The following CXorf58 variants were observed in gnomAD, a reference collection of about 807,000 sequenced individuals.
CXorf58 encodes the protein chromosome X open reading frame 58, also known as uncharacterized protein CXorf58.
CXorf58 carries 24 observed loss-of-function variants against 26.0 expected under a neutral mutation model. That is an observed-to-expected ratio of 0.92 (90% CI 0.67 to 1.30). CXorf58 has a LOEUF of 1.30. Ranked by LOEUF, CXorf58 falls within the 50% of genes most tolerant of loss-of-function variation. CXorf58 has a pLI of 0.00. For synonymous variants in CXorf58, 87 were observed against 86.1 expected (o/e 1.01, Z -0.06); for missense variants, 236 against 263.9 (o/e 0.89, Z 0.73).
At position 23,914,052 on chromosome X, in the gene CXorf58, C is replaced by T. The variant is rs770803888; in HGVS notation, c.217-1648C>T. Among the ~76,000 whole-genome samples the T allele has an allele frequency of 2.7e-5, 3 of 111,476 alleles. No homozygotes were observed. The East Asian group carries it at 8.4e-4, about 31-fold the overall frequency. ...TATCTGTTATAGTAATACTTTAATA[C>T]CTTAAATTAATAATGCTTTGTCCTT... On this transcript the variant is annotated intron_variant, in intron 3 of 8. Coordinates refer to ENST00000379211, the MANE Select transcript of CXorf58 (RefSeq NM_152761.3).
chrX:23,918,136 T>C (rs1422464486), intron 5 of CXorf58, among the ~76,000 whole-genome samples: 2 of 112,238 alleles, frequency 1.8e-5, no homozygotes. Flanking sequence ...TTGGAGAGTT[T>C]AGTCCATTTA....
rs773169769 is a variant in CXorf58 at position 23,939,220 on chromosome X, A to G, written c.940-24A>G. On this transcript the variant is annotated intron_variant, in intron 8 of 8. Transcript: ENST00000379211. ...AAAAACCAAATATATAACACTTCCT[A>G]CTTTTATTGATAATTCTGCCTAGGA... 6.3e-6 allele frequency: 7 copies of G among 1,106,843 alleles called. No homozygotes were observed. In the Admixed American group the frequency reaches 1.7e-4, roughly 26 times the overall value. 91.2% of individuals were successfully genotyped at this position (1,106,843 alleles called of 1,213,427 possible).
At chrX:23,915,103 G>A in intron 3 of CXorf58, among the ~76,000 whole-genome samples, 2 of 112,608 alleles carry the variant, frequency 1.8e-5, no homozygotes, top group Non-Finnish European at 1.9e-5. Flanking sequence ...CACCGCACTC[G>A]AGCCTGGGCG....
At position 23,938,140 on chromosome X, in the gene CXorf58, G is replaced by A. The variant is rs558264639; in HGVS notation, c.786-407G>A. ...TGACCTCAGGTGATCCGCTTGCCTC[G>A]GCCTCCCAAAGTGCTGAGATTACGG... is the stretch of plus-strand genomic sequence containing the variant. On this transcript the variant is annotated intron_variant, in intron 7 of 8. Transcript: ENST00000379211. Among the ~76,000 whole-genome samples the A allele has an allele frequency of 7.4e-4, 82 of 110,487 alleles. 1 individual carries two copies. Among genetic ancestry groups the A allele is most frequent in the African/African-American group, 2.6e-3 (79 of 30,415 alleles).
chrX:23,925,682 A>G (rs1018910442), intron 5 of CXorf58, among the ~76,000 whole-genome samples: 2 of 109,890 alleles, frequency 1.8e-5, no homozygotes, highest in Non-Finnish European at 3.8e-5. Context: ...TCAACATTAT[A>G]ACAGAGTTCC....
rs147600631 is a variant in CXorf58, at chrX:23,915,735, G to A, written c.252G>A (p.Val84=). Residue 84 remains valine, a synonymous_variant, in exon 4 of 9, where the codon GTG becomes GTA. Coordinates refer to ENST00000379211, the MANE Select transcript of CXorf58 (RefSeq NM_152761.3). ...TAACACATGAAATACTGAAGAAAGT[G>A]GCCCCCTTAGAGGCTAAGCTTATTA... The part of the protein sequence containing the change: ...FYVTHEILKK[V]APLEAKLIKD... 3,173 of 1,193,149 alleles carry A rather than the reference G, an allele frequency of 2.7e-3. 57 individuals carry two copies. In the African/African-American group the frequency reaches 0.049, roughly 18 times the overall value.
chrX:23,933,425 G>A (rs1286709588), intron 6 of CXorf58, among the ~76,000 whole-genome samples: 2 of 111,620 alleles, frequency 1.8e-5, no homozygotes, highest in African/African-American at 6.5e-5. Flanking sequence ...TTCCTAATTT[G>A]ATATCATTTT....
chrX:23,920,248 G>A (rs887005312), intron 5 of CXorf58, among the ~76,000 whole-genome samples: 1 of 112,676 alleles, frequency 8.9e-6, no homozygotes, highest in Non-Finnish European at 1.9e-5. Flanking sequence ...ACTTTTAATA[G>A]CAAGGCTCTA....
At chrX:23,931,846 C>T (rs908981459) in intron 6 of CXorf58, among the ~76,000 whole-genome samples, 12 of 111,976 alleles carry the variant, frequency 1.1e-4, no homozygotes, top group African/African-American at 3.9e-4. Flanking sequence ...ATTAAAAACT[C>T]TTTTGCTGTC....
chrX:23,932,851 C>T (rs762431570), intron 6 of CXorf58, among the ~76,000 whole-genome samples: 90 of 111,125 alleles, frequency 8.1e-4, no homozygotes, highest in African/African-American at 2.7e-3. Context: ...AAAAATTAGC[C>T]GGGCCTGGTG....
intron 6 of CXorf58, among the ~76,000 whole-genome samples, chrX:23,934,463 C>A (rs1417276828): frequency 9.0e-6 from 1 of 111,442 alleles, no homozygotes. Flanking sequence ...TGCAGTGGTG[C>A]AGTCTTGGCT....
chrX:23,910,614 T>C (rs1434372974), intron 2 of CXorf58, among the ~76,000 whole-genome samples, 196 bp downstream of exon 2: 1 of 111,870 alleles, frequency 8.9e-6, no homozygotes, highest in Non-Finnish European at 1.9e-5. Flanking sequence ...TTGATCCTGA[T>C]ACAACCTTGT....
At chrX:23,926,924 C>A (rs1314795955) in intron 5 of CXorf58, among the ~76,000 whole-genome samples, 1 of 111,262 alleles carries the variant, frequency 9.0e-6, no homozygotes, top group Admixed American at 9.6e-5. Flanking sequence ...GAGGCTGAGG[C>A]AGGAGAATCG....
intron 7 of CXorf58, among the ~76,000 whole-genome samples, chrX:23,936,236 C>G (rs779267885): frequency 1.1e-3 from 121 of 111,280 alleles, no homozygotes; most frequent in African/African-American, 3.8e-3. Flanking sequence ...TGCAGGTGCT[C>G]ATTTTTGTTT....
Position 23,935,494 on chromosome X carries a change from T to C in CXorf58, c.785+69T>C, listed in dbSNP as rs764259936. Reference sequence around the variant, plus strand: ...CTGAAAATGTTCACATTCTGCCAGATAGCTCACTAAAGATAAGAGGATATA... The same window carrying C: ...CTGAAAATGTTCACATTCTGCCAGACAGCTCACTAAAGATAAGAGGATATA... On this transcript the variant is annotated intron_variant, in intron 7 of 8. Transcript: ENST00000379211. The C allele has an allele frequency of 5.1e-6, 4 of 784,019 alleles. No homozygotes were observed. The South Asian group carries it at 7.4e-5, about 14-fold the overall frequency. 64.6% of individuals were successfully genotyped at this position (784,019 alleles called of 1,213,427 possible). A position where few individuals can be genotyped will look rare whatever the true frequency, so the allele number is the denominator to read the frequency against.
At chrX:23,909,032 G>A (rs188719599) in intron 1 of CXorf58, among the ~76,000 whole-genome samples, 4 of 111,620 alleles carry the variant, frequency 3.6e-5, no homozygotes, top group Non-Finnish European at 5.6e-5. Context: ...GCCAGCCTTG[G>A]TGTTAGTTAA....
chrX:23,921,300 G>A (rs189014140), intron 5 of CXorf58, among the ~76,000 whole-genome samples: 6 of 111,851 alleles, frequency 5.4e-5, no homozygotes, highest in African/African-American at 1.3e-4. Context: ...ATATGCCTCC[G>A]TGCCTTTATC....
intron 2 of CXorf58, among the ~76,000 whole-genome samples, chrX:23,910,751 T>C (rs1206147131): frequency 1.0e-5 from 1 of 97,389 alleles, no homozygotes; most frequent in Non-Finnish European, 2.0e-5. Flanking sequence ...ACTTCAGGCT[T>C]TTTCCTTTCT....
At chrX:23,912,065 C>T (rs1325367763) in intron 3 of CXorf58, among the ~76,000 whole-genome samples, 1 of 108,966 alleles carries the variant, frequency 9.2e-6, no homozygotes, top group East Asian at 2.9e-4. Context: ...GATTCTTCTG[C>T]TTCAGCCTCC....
Sources: gnomAD v4.1 joint callset for allele counts (sites outside exome capture counted in the v4.1 genomes callset) on GRCh38, gnomAD v4.1.1 for gene constraint, MANE v1.5 for transcripts, NCBI Gene and HGNC (gene_info 2026-07-23, HGNC 2026-07-21) for gene names.